The following STK39 variants were observed in gnomAD, a reference collection of about 807,000 sequenced individuals.
STK39 encodes serine/threonine kinase 39, also known as STE20/SPS1-related proline-alanine-rich protein kinase.
STK39 carries 20 observed loss-of-function variants against 77.8 expected under a neutral mutation model. That is an observed-to-expected ratio of 0.26 (90% CI 0.18 to 0.37). STK39 has a LOEUF of 0.37. STK39 is among the 10% of genes least tolerant of loss of function. The pLI, the probability that STK39 is intolerant of heterozygous loss-of-function variation, is 1.00. For missense variants in STK39, 479 were observed against 656.5 expected (o/e 0.73, Z 2.95); for synonymous variants, 246 against 234.1 (o/e 1.05, Z -0.47).
intron 8 of STK39, among the ~76,000 whole-genome samples, chr2:168,132,581 C>A (rs1687727023): frequency 6.6e-6 from 1 of 152,130 alleles, no homozygotes; most frequent in Non-Finnish European, 1.5e-5. Context: ...GCACACACTG[C>A]TTTTCTTGCT....
At chr2:168,115,128 GC>G (rs531787978) in intron 10 of STK39, among the ~76,000 whole-genome samples, 14 of 152,144 alleles carry the variant, frequency 9.2e-5, no homozygotes, top group Non-Finnish European at 1.8e-4. Flanking sequence ...TCTCAAGGTT[GC>G]AGAACCACCA....
chr2:168,058,743 C>T (rs1206499226), intron 14 of STK39, among the ~76,000 whole-genome samples: 4 of 152,202 alleles, frequency 2.6e-5, no homozygotes, highest in African/African-American at 9.7e-5. Context: ...TTACCACTTC[C>T]GTTAATCCTC....
chr2:168,227,839 A>C (rs908491382), intron 1 of STK39, among the ~76,000 whole-genome samples: 1 of 143,300 alleles, frequency 7.0e-6, no homozygotes, highest in Non-Finnish European at 1.5e-5. Context: ...TTGTATTTTT[A>C]GTAGAGATGG....
At chr2:168,205,452 T>C (rs559998607) in intron 1 of STK39, among the ~76,000 whole-genome samples, 1 of 152,270 alleles carries the variant, frequency 6.6e-6, no homozygotes, top group South Asian at 2.1e-4. Flanking sequence ...CTTTATAATA[T>C]TAAATCTTAA....
intron 16 of STK39, among the ~76,000 whole-genome samples, chr2:167,981,126 T>C (rs1370926693): frequency 6.6e-6 from 1 of 152,166 alleles, no homozygotes; most frequent in Non-Finnish European, 1.5e-5. Context: ...ATCACCTTAT[T>C]TGTGCCTTAG....
rs552579713 is a variant in STK39 at position 168,007,661 on chromosome 2, G to T, written c.1498+4973C>A. ...TTGTGAGGTAATATTTAAGCACCAGGGGGTGGGCATATATGGCCCTAAAGA... is the reference window on the plus strand; with the variant it reads ...TTGTGAGGTAATATTTAAGCACCAGTGGGTGGGCATATATGGCCCTAAAGA... On this transcript the variant is annotated intron_variant, in intron 16 of 17. Coordinates refer to ENST00000355999, the MANE Select transcript of STK39 (RefSeq NM_013233.3). Among the ~76,000 whole-genome samples the T allele has an allele frequency of 2.0e-5, 3 of 152,254 alleles. No individual in the cohort carries two copies. In the South Asian group the frequency reaches 6.2e-4, roughly 32 times the overall value.
chr2:168,064,666 T>C (rs1419688328), intron 13 of STK39, among the ~76,000 whole-genome samples: 1 of 152,134 alleles, frequency 6.6e-6, no homozygotes, highest in East Asian at 1.9e-4. Context: ...AGAAAGAAAA[T>C]TATGATCCTG....
At position 168,108,075 on chromosome 2, in the gene STK39, T is replaced by C. The variant is rs560690626; in HGVS notation, c.1089+21466A>G. On this transcript the variant is annotated intron_variant, in intron 10 of 17. Transcript: ENST00000355999. ...TACAGAATATGTATGACATTCTAAA[T>C]TGTATACTGGAACAACAAGCTTTCT... 2.2e-3 allele frequency among the ~76,000 whole-genome samples: 341 copies of C among 152,374 alleles called. 1 individual carries two copies. The highest frequency in any genetic ancestry group is 3.7e-3 in the Non-Finnish European group (253 of 68,040).
chr2:168,144,131 T>C (rs955531079), intron 5 of STK39, among the ~76,000 whole-genome samples: 5 of 152,152 alleles, frequency 3.3e-5, no homozygotes, highest in Non-Finnish European at 7.3e-5. Flanking sequence ...GGTATGGTTA[T>C]CTGATTTGGA....
At chr2:168,160,550 GTT>G (rs1688543745) in intron 5 of STK39, among the ~76,000 whole-genome samples, 19 of 151,920 alleles carry the variant, frequency 1.3e-4, no homozygotes, top group Admixed American at 1.1e-3. Flanking sequence ...GTTGGCCACT[GTT>G]AAGATCACTG....
At chr2:168,218,035 T>G (rs577761984) in intron 1 of STK39, among the ~76,000 whole-genome samples, 2 of 152,178 alleles carry the variant, frequency 1.3e-5, no homozygotes, top group Admixed American at 6.6e-5. Flanking sequence ...TACTAAGATA[T>G]GTAGGATCAT....
chr2:168,044,967 G>A (rs1053340228), intron 14 of STK39, among the ~76,000 whole-genome samples: 1 of 152,044 alleles, frequency 6.6e-6, no homozygotes, highest in Non-Finnish European at 1.5e-5. Context: ...GAATCAACCT[G>A]ATAACAGAGA....
At chr2:167,978,677 T>C (rs1264317927) in intron 16 of STK39, among the ~76,000 whole-genome samples, 1 of 152,202 alleles carries the variant, frequency 6.6e-6, no homozygotes, top group African/African-American at 2.4e-5. Context: ...AGTATGAACA[T>C]GTGTACACAC....
intron 16 of STK39, among the ~76,000 whole-genome samples, chr2:168,003,054 G>A (rs933354799): frequency 2.0e-5 from 3 of 152,166 alleles, no homozygotes; most frequent in African/African-American, 7.2e-5. Context: ...CACAATCTTG[G>A]CTCACTGCAA....
intron 1 of STK39, among the ~76,000 whole-genome samples, chr2:168,234,467 G>A (rs1372529321): frequency 6.6e-6 from 1 of 152,056 alleles, no homozygotes; most frequent in Non-Finnish European, 1.5e-5. Context: ...CTGCTGCTCT[G>A]ATTGTTATAA....
chr2:167,967,640 C>T (rs1692195137), intron 16 of STK39, among the ~76,000 whole-genome samples: 1 of 152,040 alleles, frequency 6.6e-6, no homozygotes, highest in Admixed American at 6.6e-5. Flanking sequence ...TTCCCTGAAT[C>T]TAAACAGAAA....
At chr2:168,213,526 A>T (rs1689946462) in intron 1 of STK39, among the ~76,000 whole-genome samples, 1 of 152,040 alleles carries the variant, frequency 6.6e-6, no homozygotes, top group South Asian at 2.1e-4. Flanking sequence ...TCTCTACAAA[A>T]AACAAAAACA....
chr2:168,039,524 G>A (rs530788098), intron 14 of STK39, among the ~76,000 whole-genome samples: 2 of 24,666 alleles, frequency 8.1e-5, no homozygotes, highest in Non-Finnish European at 1.4e-4. Context: ...CCCGGGAAGC[G>A]GAGCTTGCAG....
At chr2:168,179,409 T>A (rs1393778778) in intron 2 of STK39, among the ~76,000 whole-genome samples, 1 of 152,140 alleles carries the variant, frequency 6.6e-6, no homozygotes, top group Admixed American at 6.5e-5. Context: ...TATTTTTGTT[T>A]GAAAACGACC....
Sources: allele counts gnomAD v4.1 joint callset (sites outside exome capture counted in the v4.1 genomes callset), GRCh38; gene constraint gnomAD v4.1.1; transcripts MANE v1.5; gene names NCBI Gene and HGNC (gene_info 2026-07-23, HGNC 2026-07-21).